The following EPB41L1 variants were observed in gnomAD, a reference collection of about 807,000 sequenced individuals.
The protein encoded by EPB41L1 is band 4.1-like protein 1.
EPB41L1 carries 29 observed loss-of-function variants against 97.8 expected under a neutral mutation model. The ratio of observed to expected loss-of-function variants is 0.30; its 90% CI spans 0.22 to 0.40. The LOEUF (loss-of-function observed/expected upper bound fraction) is 0.40, where lower values mean the gene tolerates loss of function less well. Among genes scored for constraint, EPB41L1 ranks in the 10% least tolerant of loss-of-function variants. The pLI, the probability that EPB41L1 is intolerant of heterozygous loss-of-function variation, is 1.00. For synonymous variants in EPB41L1, 383 were observed against 459.2 expected (o/e 0.83, Z 2.12); for missense variants, 812 against 1,162.3 (o/e 0.70, Z 4.38).
intron 2 of EPB41L1, among the ~76,000 whole-genome samples, chr20:36,147,289 A>G (rs1004785254): frequency 1.6e-4 from 25 of 152,270 alleles, no homozygotes; most frequent in Non-Finnish European, 7.3e-5. Context: ...CATTAAAAAA[A>G]GGAAACTTTA....
At chr20:36,178,734 C>G in intron 5 of EPB41L1, 62 bp downstream of exon 5, 1 of 1,519,504 alleles carries the variant, frequency 6.6e-7, no homozygotes, top group Non-Finnish European at 9.1e-7. Flanking sequence ...CATGAGAGCC[C>G]CCCTTGTACT....
chr20:36,200,758 A>C (rs921078968), intron 14 of EPB41L1: 1 of 394,934 alleles, frequency 2.5e-6, no homozygotes, highest in African/African-American at 2.1e-5. Flanking sequence ...CTATTTATGG[A>C]CTTTGTGTGT....
chr20:36,172,691 C>T (rs1169660456), intron 1 of EPB41L1, among the ~76,000 whole-genome samples: 8 of 152,180 alleles, frequency 5.3e-5, no homozygotes, highest in Admixed American at 5.2e-4. Flanking sequence ...ACCTCCGCCT[C>T]CCAGGTTCAA....
At position 36,207,084 on chromosome 20, in the gene EPB41L1, C is replaced by A. The variant is rs1371848887; in HGVS notation, c.1669-2404C>A. The A allele has an allele frequency of 2.3e-6, 3 of 1,289,146 alleles. No individual in the cohort carries two copies. The Admixed American group carries it at 6.9e-5, about 30-fold the overall frequency. 79.9% of individuals were successfully genotyped at this position (1,289,146 alleles called of 1,614,324 possible). On this transcript the variant is annotated intron_variant, in intron 14 of 21. Transcript: ENST00000338074. The surrounding 1 kb of genome is among the most constrained non-coding windows in gnomAD (Gnocchi z 4.9). ...TTCTTCACATGGAGGTGATCATTCC[C>A]CTGCCAGCCTCCCCTGGTCATTCTG...
chr20:36,150,024 CA>C (rs778929497), upstream of EPB41L1: 1 of 151,576 alleles, frequency 6.6e-6, no homozygotes, highest in Non-Finnish European at 1.5e-5. Flanking sequence ...TGTAATTATT[CA>C]AATGATTTGT....
At chr20:36,182,040 TTTTC>T (rs146618744) in intron 5 of EPB41L1, among the ~76,000 whole-genome samples, 5 of 152,196 alleles carry the variant, frequency 3.3e-5, no homozygotes, top group Middle Eastern at 3.4e-3. Flanking sequence ...GCAGCGTCAG[TTTTC>T]TTTCTTTCTT....
chr20:36,170,041 G>C (rs1040695738), intron 1 of EPB41L1, among the ~76,000 whole-genome samples: 1 of 152,220 alleles, frequency 6.6e-6, no homozygotes, highest in Non-Finnish European at 1.5e-5. Flanking sequence ...CACGTGACGG[G>C]CTATGTCAGA....
At position 36,197,894 on chromosome 20, in the gene EPB41L1, C is replaced by T. The variant is rs1220173698; in HGVS notation, c.1521C>T (p.His507=). 4.3e-6 allele frequency: 7 copies of T among 1,614,056 alleles called. No homozygotes were observed. Among genetic ancestry groups the T allele is most frequent in the Middle Eastern group, 1.6e-4 (1 of 6,084 alleles). ...AGCCAGAAGATGTCTTGCTGAAGCA[C>T]CAGGCCAGCATCAATGAGCTCAAAA... ...LDKPEDVLLK[H]QASINELKRT... The change falls in exon 14 of 22, where the codon CAC becomes CAT. Residue 507 remains histidine (H), a synonymous_variant. Coordinates refer to ENST00000338074, the MANE Select transcript of EPB41L1 (RefSeq NM_012156.2).
chr20:36,132,883 A>C (rs902917393), intron 2 of EPB41L1, among the ~76,000 whole-genome samples: 1 of 152,226 alleles, frequency 6.6e-6, no homozygotes, highest in African/African-American at 2.4e-5. Flanking sequence ...GCACTGCCAC[A>C]GAAAGCCAAG....
chr20:36,094,665 A>G (rs924288463), intron 1 of EPB41L1, among the ~76,000 whole-genome samples: 1 of 152,170 alleles, frequency 6.6e-6, no homozygotes, highest in South Asian at 2.1e-4. Context: ...GGGGGCCAGC[A>G]GCAGATTTCT....
At chr20:36,143,443 A>G (rs2059718338) in intron 2 of EPB41L1, among the ~76,000 whole-genome samples, 1 of 152,174 alleles carries the variant, frequency 6.6e-6, no homozygotes, top group African/African-American at 2.4e-5. Flanking sequence ...GAAGCACAGC[A>G]TTTAGCCAAT....
At position 36,209,545 on chromosome 20, in the gene EPB41L1, C is replaced by T; in HGVS notation, c.1726C>T (p.Pro576Ser). The T allele has an allele frequency of 6.2e-7, 1 of 1,614,020 alleles. No individual in the cohort carries two copies. Among genetic ancestry groups the T allele is most frequent in the South Asian group, 1.1e-5 (1 of 91,076 alleles). ...AGTCAAACCACCACGTCCCCGGGCC[C>T]CAGAGAGTGACACAGGCGATGAGGA... is the stretch of plus-strand genomic sequence containing the variant. The part of the protein sequence containing the change: ...EKVKPPRPRA[P>S]ESDTGDEDQD... Residue 576 changes from proline to serine, a missense_variant, in exon 15 of 22, where the codon CCA (proline) becomes TCA (serine). Physicochemically the swap from Pro to Ser is moderately conservative, Grantham distance 74 (BLOSUM62 -1). Transcript: ENST00000338074. The surrounding 1 kb of genome is among the most constrained non-coding windows in gnomAD (Gnocchi z 4.2).
In EPB41L1 at chr20:36,175,691, C is replaced by A; in HGVS notation, c.318C>A (p.Ala106=). The change falls in exon 3 of 22, where the codon GCC becomes GCA. Residue 106 remains alanine, a synonymous_variant. Coordinates refer to ENST00000338074, the MANE Select transcript of EPB41L1 (RefSeq NM_012156.2). ...TCTGCCGGGTCACTCTGCTTGATGC[C>A]TCGGAGTATGAGTGTGAGGTGGAGG... ...SAICRVTLLD[A]SEYECEVEKH... is the part of the protein sequence containing the mutation. The A allele has an allele frequency of 3.1e-6, 5 of 1,614,074 alleles. No homozygotes were observed. In the South Asian group the frequency reaches 4.4e-5, roughly 14 times the overall value.
At chr20:36,210,615 T>G (rs1305825172) in intron 15 of EPB41L1, among the ~76,000 whole-genome samples, 1 of 150,964 alleles carries the variant, frequency 6.6e-6, no homozygotes, top group Non-Finnish European at 1.5e-5. Context: ...TCTGAGCAGG[T>G]TTTTTTTTCT....
intron 1 of EPB41L1, among the ~76,000 whole-genome samples, chr20:36,104,309 G>T (rs1002005626): frequency 1.6e-4 from 24 of 152,334 alleles, no homozygotes; most frequent in African/African-American, 5.1e-4. Context: ...GGAGAATGGG[G>T]AAGTGGGGTG....
intron 1 of EPB41L1, among the ~76,000 whole-genome samples, chr20:36,162,828 G>A (rs73902988): frequency 0.032 from 4,803 of 152,320 alleles, 129 homozygotes; most frequent in South Asian, 0.15. Context: ...AGTGGTGTCC[G>A]TGGGTACTGC....
In EPB41L1 at chr20:36,094,913, C is replaced by T. The variant is rs145677552; in HGVS notation, c.-65+3301C>T. ...GCCTCCTGGGTTCAAGTGATTCTCC[C>T]GCCTCAGCCTCCTCAATAGCTGGGA... On this transcript the variant is annotated intron_variant, in intron 1 of 19. Coordinates refer to the EPB41L1 transcript ENST00000202028. Among the ~76,000 whole-genome samples the T allele has an allele frequency of 8.4e-3, 1,275 of 151,674 alleles. 30 individuals are homozygous for T. Among genetic ancestry groups the T allele is most frequent in the African/African-American group, 0.029 (1,184 of 41,344 alleles).
chr20:36,178,071 G>A lies in EPB41L1; in HGVS notation c.447+15G>A. Reference sequence around the variant, plus strand: ...ACAGCCAGAAGGTACCTGGGCTAGGGAGCAGGGTGGGACCTGCTCTTCCGT... The same window carrying A: ...ACAGCCAGAAGGTACCTGGGCTAGGAAGCAGGGTGGGACCTGCTCTTCCGT... On this transcript the variant is annotated intron_variant, in intron 4 of 21. Coordinates refer to ENST00000338074, the MANE Select transcript of EPB41L1 (RefSeq NM_012156.2). The A allele has an allele frequency of 6.3e-7, 1 of 1,599,168 alleles. No homozygotes were observed. The highest frequency in any genetic ancestry group is 1.1e-5 in the South Asian group (1 of 90,730).
Position 36,190,918 on chromosome 20 carries a change from C to G in EPB41L1, c.1300+121C>G. 1 of 1,368,414 alleles carries G rather than the reference C, an allele frequency of 7.3e-7. No individual in the cohort carries two copies. The highest frequency in any genetic ancestry group is 1.0e-6 in the Non-Finnish European group (1 of 993,936). The allele number at this position is 1,368,414 out of a possible 1,614,324, so 84.8% of individuals were successfully genotyped here. A position where few individuals can be genotyped will look rare whatever the true frequency, so the allele number is the denominator to read the frequency against. On this transcript the variant is annotated intron_variant, in intron 11 of 21. Coordinates refer to ENST00000338074, the MANE Select transcript of EPB41L1 (RefSeq NM_012156.2). This position sits in a 1 kb window ranked among gnomAD's most constrained non-coding sequence, Gnocchi z 5.8. Reference sequence around the variant, plus strand: ...TAGATGCATCCCAAGTTCATCTGCACCAGGCTGGCCCCTCAAGACCAGTGC... The same window carrying G: ...TAGATGCATCCCAAGTTCATCTGCAGCAGGCTGGCCCCTCAAGACCAGTGC...
Sources: allele counts gnomAD v4.1 joint callset (sites outside exome capture counted in the v4.1 genomes callset), GRCh38; gene constraint gnomAD v4.1.1; non-coding constraint Gnocchi (gnomAD v3.1); transcripts MANE v1.5; gene names NCBI Gene and HGNC (gene_info 2026-07-23, HGNC 2026-07-21).